Variants in NME5 observed in about 807,000 individuals in gnomAD.
NME5 encodes the protein NME/NM23 family member 5.
Under a neutral mutation model 21.6 loss-of-function variants are expected in NME5, and 18 were observed. The observed-to-expected ratio is 0.83, with a 90% CI of 0.58 to 1.24. The LOEUF is 1.24. Ranked by LOEUF, NME5 falls within the 50% of genes most tolerant of loss-of-function variation. The pLI is 0.00. For missense variants in NME5, 223 were observed against 255.4 expected, an observed-to-expected ratio of 0.87 and a Z score of 0.86; for synonymous variants, 70 against 80.6, an observed-to-expected ratio of 0.87 and a Z score of 0.71.
At position 138,133,631 on chromosome 5, in the gene NME5, C is replaced by A. The variant is rs138780161; in HGVS notation, c.130-4163G>T. On this transcript the variant is annotated intron_variant, in intron 2 of 5. Transcript: ENST00000265191. ...TTAGTTTGTAACAAAGGCAACACTG[C>A]CATCTACTGAAATGACATATCATTT... 2.0e-3 allele frequency among the ~76,000 whole-genome samples: 299 copies of A among 152,242 alleles called. 1 individual carries two copies. Among genetic ancestry groups the A allele is most frequent in the African/African-American group, 6.4e-3 (264 of 41,540 alleles).
chr5:138,132,296 G>A (rs1007844458), intron 2 of NME5, among the ~76,000 whole-genome samples: 2 of 152,132 alleles, frequency 1.3e-5, no homozygotes, highest in Admixed American at 1.3e-4. Context: ...GTTGCAGTGA[G>A]CCGAAATCAT....
intron 2 of NME5, among the ~76,000 whole-genome samples, chr5:138,130,203 A>T (rs1322555011): frequency 1.3e-5 from 2 of 152,158 alleles, no homozygotes; most frequent in Non-Finnish European, 2.9e-5. Context: ...GGATCGCTTC[A>T]TCCCAGCCAG....
intron 4 of NME5, among the ~76,000 whole-genome samples, chr5:138,126,699 A>G (rs1242639295): frequency 6.6e-6 from 1 of 151,542 alleles, no homozygotes; most frequent in African/African-American, 2.4e-5. Flanking sequence ...TATAATCCCA[A>G]CATTTTGGGA....
intron 2 of NME5, among the ~76,000 whole-genome samples, chr5:138,137,534 T>C (rs1751726269): frequency 6.6e-6 from 1 of 151,186 alleles, no homozygotes; most frequent in South Asian, 2.1e-4. Context: ...GCCAGGCTGG[T>C]CTCAAACTCC....
At chr5:138,130,276 G>T (rs549000411) in intron 2 of NME5, among the ~76,000 whole-genome samples, 44 of 152,082 alleles carry the variant, frequency 2.9e-4, no homozygotes, top group African/African-American at 1.0e-3. Flanking sequence ...TTTAAAATCA[G>T]TCGGGTGTGG....
chr5:138,117,097 T>A (rs575498861), intron 5 of NME5, among the ~76,000 whole-genome samples: 1 of 150,666 alleles, frequency 6.6e-6, no homozygotes, highest in Admixed American at 6.7e-5. Flanking sequence ...TGGTCCCAGC[T>A]ACTTGGCAGC....
chr5:138,118,222 T>C (rs986611255), intron 5 of NME5, among the ~76,000 whole-genome samples: 5 of 150,256 alleles, frequency 3.3e-5, no homozygotes, highest in Non-Finnish European at 5.9e-5. Flanking sequence ...GCCTCCTGGG[T>C]TCACGCCATT....
chr5:138,118,719 G>A (rs991479219), intron 5 of NME5, 99 bp downstream of exon 5: 4 of 679,256 alleles, frequency 5.9e-6, no homozygotes, highest in East Asian at 3.0e-5. Context: ...TCCTGACCTC[G>A]GATCCGCCCG....
intron 4 of NME5, 27 bp from the exon 5 acceptor site, chr5:138,118,963 A>G (rs762676224): frequency 8.0e-6 from 10 of 1,250,416 alleles, no homozygotes; most frequent in Non-Finnish European, 1.2e-5. Context: ...ATTCTCATTG[A>G]TGCAAACATA....
chr5:138,128,048 T>TAA (rs1751462425), intron 4 of NME5, among the ~76,000 whole-genome samples: 1 of 151,946 alleles, frequency 6.6e-6, no homozygotes, highest in African/African-American at 2.4e-5. Context: ...ACCCCATCTC[T>TAA]CCAAAAGATA....
At chr5:138,126,934 G>A (rs1364954880) in intron 4 of NME5, among the ~76,000 whole-genome samples, 5 of 152,048 alleles carry the variant, frequency 3.3e-5, no homozygotes, top group Non-Finnish European at 7.4e-5. Context: ...GTGACAGACT[G>A]AGACTCCATC....
chr5:138,116,755 T>C (rs532424926), intron 5 of NME5: 1 of 153,688 alleles, frequency 6.5e-6, no homozygotes, highest in Non-Finnish European at 1.5e-5. Flanking sequence ...ACCAAGCCCA[T>C]TGGTACCACT....
intron 4 of NME5, among the ~76,000 whole-genome samples, chr5:138,119,648 T>C (rs1401402105): frequency 1.4e-5 from 2 of 139,586 alleles, no homozygotes; most frequent in African/African-American, 2.5e-5. Flanking sequence ...TTTCTTTTTC[T>C]TTTCTTTTCT....
At chr5:138,127,495 G>T (rs1483347888) in intron 4 of NME5, 2 of 978,296 alleles carry the variant, frequency 2.0e-6, no homozygotes, top group Admixed American at 6.2e-5. Context: ...AAATACTGAG[G>T]AACAGATCTA....
chr5:138,126,606 TA>T (rs1751434551), intron 4 of NME5, among the ~76,000 whole-genome samples: 2 of 133,842 alleles, frequency 1.5e-5, no homozygotes, highest in Non-Finnish European at 3.2e-5. Context: ...AGCTTCCAAA[TA>T]TACCTTCTAT....
chr5:138,135,130 A>G (rs1751666690), intron 2 of NME5, among the ~76,000 whole-genome samples: 1 of 148,642 alleles, frequency 6.7e-6, no homozygotes, highest in Non-Finnish European at 1.5e-5. Context: ...CATCCGGGCT[A>G]ACACAGTGAA....
At chr5:138,130,180 G>A (rs1751528718) in intron 2 of NME5, among the ~76,000 whole-genome samples, 1 of 152,210 alleles carries the variant, frequency 6.6e-6, no homozygotes, top group South Asian at 2.1e-4. Context: ...CATTTTGGGA[G>A]GCCAAGGCGG....
At chr5:138,133,067 T>C (rs1751609413) in intron 2 of NME5, among the ~76,000 whole-genome samples, 1 of 151,814 alleles carries the variant, frequency 6.6e-6, no homozygotes, top group South Asian at 2.1e-4. Flanking sequence ...TGCCAGCCAA[T>C]GTAGCACAAT....
At chr5:138,129,508 C>T (rs1474513743) in intron 2 of NME5, 40 bp from the exon 3 acceptor site, 27 of 1,421,314 alleles carry the variant, frequency 1.9e-5, no homozygotes, top group Non-Finnish European at 2.5e-5. Context: ...TTTAAAATGA[C>T]AGTTCAATGA....
Sources: allele counts gnomAD v4.1 joint callset (sites outside exome capture counted in the v4.1 genomes callset), GRCh38; gene constraint gnomAD v4.1.1; transcripts MANE v1.5; gene names NCBI Gene and HGNC (gene_info 2026-07-23, HGNC 2026-07-21).